The following DTNA variants were observed in gnomAD, a reference collection of about 807,000 sequenced individuals.
DTNA encodes the protein dystrobrevin alpha.
A neutral mutation model predicts 100.7 loss-of-function variants in DTNA; 43 were observed. The observed-to-expected ratio is 0.43, with a 90% CI of 0.33 to 0.55. The LOEUF is 0.55. Among genes scored for constraint, DTNA ranks in the 20% least tolerant of loss-of-function variants. DTNA has a pLI of 0.04. For missense variants in DTNA, 798 were observed against 953.9 expected, an observed-to-expected ratio of 0.84 and a Z score of 2.15; for synonymous variants, 349 against 347.9, an observed-to-expected ratio of 1.00 and a Z score of -0.04.
At chr18:34,553,394 T>G (rs1401924533) in intron 1 of DTNA, among the ~76,000 whole-genome samples, 1 of 150,422 alleles carries the variant, frequency 6.6e-6, no homozygotes, top group African/African-American at 2.4e-5. Flanking sequence ...TTAGATCCCA[T>G]TTGTCAATTT....
intron 1 of DTNA, among the ~76,000 whole-genome samples, chr18:34,690,181 C>A (rs898750949): frequency 1.3e-5 from 2 of 152,178 alleles, no homozygotes; most frequent in Non-Finnish European, 2.9e-5. Flanking sequence ...TTTCCAGGCA[C>A]CACTGGGGTA....
chr18:34,859,772 T>G (rs2096595670), intron 16 of DTNA, among the ~76,000 whole-genome samples: 1 of 151,714 alleles, frequency 6.6e-6, no homozygotes, highest in Admixed American at 6.5e-5. Flanking sequence ...TGCATTTCAG[T>G]GCACTTCTCA....
chr18:34,714,486 C>T (rs2083548029), intron 1 of DTNA, among the ~76,000 whole-genome samples: 1 of 149,820 alleles, frequency 6.7e-6, no homozygotes, highest in Non-Finnish European at 1.5e-5. Flanking sequence ...TGAAAAAATG[C>T]TCACCATCAC....
chr18:34,746,787 G>A (rs1239695457), intron 1 of DTNA, among the ~76,000 whole-genome samples: 1 of 152,080 alleles, frequency 6.6e-6, no homozygotes, highest in Non-Finnish European at 1.5e-5. Flanking sequence ...TTCCACCCAT[G>A]CCAATCTGCT....
intron 1 of DTNA, among the ~76,000 whole-genome samples, chr18:34,527,726 G>T: frequency 6.6e-6 from 1 of 152,086 alleles, no homozygotes; most frequent in Non-Finnish European, 1.5e-5. Context: ...CCTAGTTCCA[G>T]GTCAGAGAAA....
chr18:34,688,321 T>A (rs978782957), intron 1 of DTNA, among the ~76,000 whole-genome samples: 1 of 152,228 alleles, frequency 6.6e-6, no homozygotes, highest in Non-Finnish European at 1.5e-5. Context: ...TCAGGAGCTC[T>A]TGTAAGGCAG....
At chr18:34,616,805 C>A (rs2147736572) in intron 1 of DTNA, among the ~76,000 whole-genome samples, 1 of 152,204 alleles carries the variant, frequency 6.6e-6, no homozygotes, top group Admixed American at 6.5e-5. Context: ...TTTCTTTGAG[C>A]AGTGTTTTGT....
chr18:34,613,548 C>A (rs2054638237), intron 1 of DTNA, among the ~76,000 whole-genome samples: 1 of 152,138 alleles, frequency 6.6e-6, no homozygotes, highest in East Asian at 1.9e-4. Flanking sequence ...CCCCAGTAAA[C>A]CATATGAATG....
intron 3 of DTNA, among the ~76,000 whole-genome samples, chr18:34,792,068 C>T (rs2094769030): frequency 6.8e-6 from 1 of 146,098 alleles, no homozygotes; most frequent in African/African-American, 2.5e-5. Flanking sequence ...GTAAAGGACA[C>T]AGTAACGGTT....
intron 9 of DTNA, among the ~76,000 whole-genome samples, chr18:34,823,166 A>G (rs1368035825): frequency 1.3e-5 from 2 of 152,172 alleles, no homozygotes; most frequent in Non-Finnish European, 2.9e-5. Flanking sequence ...TGCATTGCTC[A>G]TTTAACTATT....
intron 3 of DTNA, among the ~76,000 whole-genome samples, chr18:34,793,408 A>G (rs981400612): frequency 1.5e-4 from 23 of 152,194 alleles, no homozygotes; most frequent in African/African-American, 5.1e-4. Flanking sequence ...TGACCAGCCT[A>G]GTTCAGTGAT....
intron 1 of DTNA, among the ~76,000 whole-genome samples, chr18:34,665,954 G>T (rs1385419717): frequency 6.6e-6 from 1 of 152,084 alleles, no homozygotes; most frequent in African/African-American, 2.4e-5. Context: ...AGGATGGCTG[G>T]GTCAAATGGT....
intron 1 of DTNA, among the ~76,000 whole-genome samples, chr18:34,549,036 C>T (rs2045108481): frequency 6.6e-6 from 1 of 152,046 alleles, no homozygotes. Context: ...GTGGTACCAC[C>T]TTTTAACAAG....
chr18:34,858,721 C>T (rs548797092), intron 16 of DTNA, among the ~76,000 whole-genome samples: 6 of 152,318 alleles, frequency 3.9e-5, no homozygotes, highest in Non-Finnish European at 7.3e-5. Flanking sequence ...AAGCAATTCT[C>T]CTGTCTCAGC....
rs190923949 is a variant in DTNA at position 34,809,742 on chromosome 18, G to A, written c.449-2217G>A. On this transcript the variant is annotated intron_variant, in intron 5 of 22. Transcript: ENST00000444659. ...AAGAATAACTGGCTGAAAATAAGTC[G>A]GAAATTTTAAAAAACAAAGAGAAAG... Among the ~76,000 whole-genome samples, 4 of 152,116 alleles carry A rather than the reference G, an allele frequency of 2.6e-5. No homozygotes were observed. In the South Asian group the frequency reaches 8.3e-4, roughly 32 times the overall value.
intron 6 of DTNA, among the ~76,000 whole-genome samples, chr18:34,814,546 G>T (rs28569792): frequency 6.6e-6 from 1 of 151,780 alleles, no homozygotes; most frequent in South Asian, 2.1e-4. Context: ...TAAACAATTA[G>T]CCAGGTGTGG....
chr18:34,739,277 G>A (rs2090193715), intron 1 of DTNA, among the ~76,000 whole-genome samples: 1 of 152,090 alleles, frequency 6.6e-6, no homozygotes, highest in African/African-American at 2.4e-5. Flanking sequence ...GGAGGTGCAA[G>A]GTCTAGTTCT....
intron 14 of DTNA, among the ~76,000 whole-genome samples, chr18:34,848,709 G>A (rs1007455120): frequency 6.6e-6 from 1 of 152,104 alleles, no homozygotes; most frequent in Non-Finnish European, 1.5e-5. Context: ...TTTAAAGCAG[G>A]TGTGGTTAGT....
intron 1 of DTNA, among the ~76,000 whole-genome samples, chr18:34,654,986 CAA>C (rs2074152920): frequency 6.6e-6 from 1 of 152,150 alleles, no homozygotes; most frequent in Non-Finnish European, 1.5e-5. Flanking sequence ...CTCGGCCTCC[CAA>C]AGTGTTGGGA....
Sources: gnomAD v4.1 joint callset for allele counts (sites outside exome capture counted in the v4.1 genomes callset) on GRCh38, gnomAD v4.1.1 for gene constraint, MANE v1.5 for transcripts, NCBI Gene and HGNC (gene_info 2026-07-23, HGNC 2026-07-21) for gene names.